ZNF492: variants seen among roughly 807,000 people sequenced by gnomAD.
The protein encoded by ZNF492 is zinc finger protein 115 (Y20).
In ZNF492, 3 loss-of-function variants were observed where a neutral mutation model predicts 6.4. The observed-to-expected ratio is 0.47, with a 90% CI of 0.21 to 1.22. The LOEUF (loss-of-function observed/expected upper bound fraction) is 1.22, where lower values mean the gene tolerates loss of function less well. Ranked by LOEUF, ZNF492 falls within the 50% of genes most tolerant of loss-of-function variation. ZNF492 has a pLI of 0.22. For synonymous variants in ZNF492, 112 were observed against 205.3 expected (o/e 0.55, Z 3.89); for missense variants, 356 against 612.5 (o/e 0.58, Z 4.42).
In ZNF492 at chr19:22,667,618, A is replaced by C. The variant is rs1342491900; in HGVS notation, c.*2353A>C. ...ATTTTTATAATAAAAATTATATACA[A>C]GTATAAAATTTACACATTTCTGAGT... On this transcript the variant is annotated 3_prime_UTR_variant, in exon 4 of 4. Transcript: ENST00000456783. The C allele has an allele frequency of 1.3e-5, 2 of 151,982 alleles. No homozygotes were observed. The highest frequency in any genetic ancestry group is 4.8e-5 in the African/African-American group (2 of 41,444). The allele number at this position is 151,982 out of a possible 1,614,324, so 9.4% of individuals were successfully genotyped here. A position where few individuals can be genotyped will look rare whatever the true frequency, so the allele number is the denominator to read the frequency against.
At chr19:22,650,907 A>G (rs1027139708) in intron 1 of ZNF492, among the ~76,000 whole-genome samples, 1 of 152,106 alleles carries the variant, frequency 6.6e-6, no homozygotes, top group African/African-American at 2.4e-5. Flanking sequence ...AAATGGCTTA[A>G]ACAGCAGGCA....
At chr19:22,636,862 G>A in intron 1 of ZNF492, among the ~76,000 whole-genome samples, 1 of 150,246 alleles carries the variant, frequency 6.7e-6, no homozygotes, top group South Asian at 2.1e-4. Context: ...TTGAACTCCT[G>A]ACCTCAAGTG....
chr19:22,646,683 T>C (rs1320214859), intron 1 of ZNF492, among the ~76,000 whole-genome samples: 1 of 152,214 alleles, frequency 6.6e-6, no homozygotes, highest in Non-Finnish European at 1.5e-5. Context: ...TATTTTGAGA[T>C]ATGTTCCATT....
At position 22,665,331 on chromosome 19, in the gene ZNF492, T is replaced by C. The variant is rs2082151913; in HGVS notation, c.*66T>C. ...ACTGGATTGTAGGTAAGGTAATTCA[T>C]TCTGGAGAAAACTTCTACAAGTGTG... On this transcript the variant is annotated 3_prime_UTR_variant, in exon 4 of 4. Transcript: ENST00000456783. 2.7e-6 allele frequency: 4 copies of C among 1,494,952 alleles called. No individual in the cohort carries two copies. The highest frequency in any genetic ancestry group is 2.7e-6 in the Non-Finnish European group (3 of 1,123,350). The allele number at this position is 1,494,952 out of a possible 1,614,324, so 92.6% of individuals were successfully genotyped here.
chr19:22,662,684 GTGA>G (rs1486420127), intron 3 of ZNF492, among the ~76,000 whole-genome samples: 1 of 151,736 alleles, frequency 6.6e-6, no homozygotes, highest in Non-Finnish European at 1.5e-5. Context: ...CGGATGGCCA[GTGA>G]TGATGAGCAT....
chr19:22,643,425 G>A (rs184795170), intron 1 of ZNF492, among the ~76,000 whole-genome samples: 1 of 152,218 alleles, frequency 6.6e-6, no homozygotes, highest in African/African-American at 2.4e-5. Context: ...AAGTAATTGT[G>A]TTGTGACAAG....
chr19:22,650,576 G>A (rs1010769414), intron 1 of ZNF492, among the ~76,000 whole-genome samples: 1 of 152,040 alleles, frequency 6.6e-6, no homozygotes, highest in Non-Finnish European at 1.5e-5. Flanking sequence ...TAGGGACTCA[G>A]GCCCAGGGAG....
At chr19:22,644,816 G>A (rs1410198568) in intron 1 of ZNF492, among the ~76,000 whole-genome samples, 1 of 152,098 alleles carries the variant, frequency 6.6e-6, no homozygotes, top group Non-Finnish European at 1.5e-5. Context: ...TGTCTTCGAC[G>A]ATGGTTGAAC....
intron 2 of ZNF492, among the ~76,000 whole-genome samples, chr19:22,653,635 C>T (rs1971964807): frequency 6.6e-6 from 1 of 151,994 alleles, no homozygotes; most frequent in Admixed American, 6.6e-5. Flanking sequence ...CTGTGTTCTT[C>T]ACTCTAGATT....
chr19:22,635,355 G>A (rs1485131622), intron 1 of ZNF492, among the ~76,000 whole-genome samples: 2 of 152,032 alleles, frequency 1.3e-5, no homozygotes, highest in African/African-American at 4.8e-5. Flanking sequence ...GTAAAATACT[G>A]AATTTTCAGT....
chr19:22,643,047 T>C (rs941155824), intron 1 of ZNF492, among the ~76,000 whole-genome samples: 1 of 152,122 alleles, frequency 6.6e-6, no homozygotes, highest in Non-Finnish European at 1.5e-5. Context: ...GCTGATCATT[T>C]GAGGTCAGGA....
chr19:22,657,433 T>A (rs1406788518), intron 3 of ZNF492, among the ~76,000 whole-genome samples: 1 of 152,146 alleles, frequency 6.6e-6, no homozygotes, highest in Non-Finnish European at 1.5e-5. Flanking sequence ...TTAGAAATGA[T>A]CTTAAAATGC....
intron 1 of ZNF492, among the ~76,000 whole-genome samples, chr19:22,640,983 TA>T (rs529112030): frequency 2.0e-3 from 295 of 150,050 alleles, no homozygotes; most frequent in Non-Finnish European, 2.7e-3. Flanking sequence ...TAATTGTGTT[TA>T]TTTGGATCTT....
At position 22,654,011 on chromosome 19, in the gene ZNF492, C is replaced by G; in HGVS notation, c.126C>G (p.Pro42=). Residue 42 remains proline (P), a synonymous_variant, in exon 3 of 4, where the codon CCC becomes CCG. Coordinates refer to ENST00000456783, the MANE Select transcript of ZNF492 (RefSeq NM_020855.3). ...AGAGACATGAGATGGTAGCTGAACC[C>G]CCAGGTAGGTGAGAGTGAAAGTGAA... The part of the protein sequence containing the change: ...NVKRHEMVAE[P]PVVCSYFARD... The G allele has an allele frequency of 1.3e-6, 2 of 1,596,734 alleles. No individual in the cohort carries two copies. The highest frequency in any genetic ancestry group is 1.7e-4 in the Middle Eastern group (1 of 5,998).
chr19:22,667,430 G>A lies in ZNF492; in HGVS notation c.*2165G>A, dbSNP rs530767388. The stretch of plus-strand genomic sequence containing the variant: ...GTTTTTTCAGGCATATAATATTTAT[G>A]TTATATATGGCATATTCTGATAAGA... On this transcript the variant is annotated 3_prime_UTR_variant, in exon 4 of 4. Transcript: ENST00000456783. 2.6e-3 allele frequency: 401 copies of A among 151,746 alleles called. No homozygotes were observed. Among genetic ancestry groups the A allele is most frequent in the African/African-American group, 8.0e-3 (332 of 41,364 alleles). The allele number at this position is 151,746 out of a possible 1,614,324, so 9.4% of individuals were successfully genotyped here.
chr19:22,655,816 G>T (rs12982195), intron 3 of ZNF492, among the ~76,000 whole-genome samples: 13,220 of 51,192 alleles, frequency 0.26, 1,227 homozygotes, highest in African/African-American at 0.36. Context: ...TTTTCTTGTT[G>T]TTTTTTTTTT....
At chr19:22,653,469 C>G in intron 2 of ZNF492, 36 bp downstream of exon 2, 1 of 1,589,668 alleles carries the variant, frequency 6.3e-7, no homozygotes, top group Non-Finnish European at 8.5e-7. Flanking sequence ...CCCTAATATA[C>G]CCTATAAATT....
intron 1 of ZNF492, among the ~76,000 whole-genome samples, chr19:22,634,971 T>C (rs1971745677): frequency 1.3e-5 from 2 of 152,196 alleles, no homozygotes; most frequent in Non-Finnish European, 2.9e-5. Flanking sequence ...TAGTTTGTGG[T>C]CGGTCCATGG....
At chr19:22,642,451 A>C (rs12984250) in intron 1 of ZNF492, among the ~76,000 whole-genome samples, 1 of 99,452 alleles carries the variant, frequency 1.0e-5, no homozygotes, top group East Asian at 2.8e-4. Context: ...GTGCAATGGC[A>C]TGATCTTGGC....
Sources: allele counts gnomAD v4.1 joint callset (sites outside exome capture counted in the v4.1 genomes callset), GRCh38; gene constraint gnomAD v4.1.1; transcripts MANE v1.5; gene names NCBI Gene and HGNC (gene_info 2026-07-23, HGNC 2026-07-21).